Variants in CRTC3 observed in about 807,000 individuals in gnomAD.
CRTC3 encodes the protein CREB-regulated transcription coactivator 3.
CRTC3 carries 26 observed loss-of-function variants against 74.5 expected under a neutral mutation model. The ratio of observed to expected loss-of-function variants is 0.35; its 90% CI spans 0.26 to 0.48. CRTC3 has a LOEUF of 0.48. Ranked by LOEUF, CRTC3 falls within the 20% of genes least tolerant of loss-of-function variation. The pLI is 0.99. For synonymous variants in CRTC3, 377 were observed against 325.8 expected (o/e 1.16, Z -1.69); for missense variants, 760 against 787.3 (o/e 0.97, Z 0.41).
At chr15:90,544,529 A>G (rs1288653132) in intron 2 of CRTC3, among the ~76,000 whole-genome samples, 1 of 152,244 alleles carries the variant, frequency 6.6e-6, no homozygotes, top group African/African-American at 2.4e-5. Flanking sequence ...GGATGTAGAT[A>G]ATTTATGCAT....
intron 6 of CRTC3, among the ~76,000 whole-genome samples, chr15:90,612,504 A>G (rs1031694719): frequency 2.0e-5 from 3 of 152,046 alleles, no homozygotes; most frequent in East Asian, 1.9e-4. Context: ...GCAGTTTCAC[A>G]TGGTAGCCCT....
intron 13 of CRTC3, among the ~76,000 whole-genome samples, chr15:90,640,154 T>C (rs956205909): frequency 4.6e-5 from 7 of 152,330 alleles, no homozygotes; most frequent in African/African-American, 1.7e-4. Context: ...CTTGCCTCCC[T>C]GTTTCCCAAA....
At chr15:90,579,177 A>C (rs1189308050) in intron 2 of CRTC3, among the ~76,000 whole-genome samples, 1 of 152,218 alleles carries the variant, frequency 6.6e-6, no homozygotes, top group Non-Finnish European at 1.5e-5. Flanking sequence ...TATTATAAAT[A>C]ATTTGGAGGT....
chr15:90,628,871 G>C (rs1968933223), intron 10 of CRTC3, among the ~76,000 whole-genome samples: 1 of 152,058 alleles, frequency 6.6e-6, no homozygotes, highest in Non-Finnish European at 1.5e-5. Flanking sequence ...ACCTTCCGGG[G>C]CTCTAAACAG....
At chr15:90,587,258 G>A (rs1967686993) in intron 2 of CRTC3, among the ~76,000 whole-genome samples, 1 of 152,188 alleles carries the variant, frequency 6.6e-6, no homozygotes, top group African/African-American at 2.4e-5. Context: ...TGAGCTCTAG[G>A]TCCCTTGGGG....
At chr15:90,555,833 G>A (rs1298862269) in intron 2 of CRTC3, among the ~76,000 whole-genome samples, 3 of 151,858 alleles carry the variant, frequency 2.0e-5, no homozygotes, top group Non-Finnish European at 4.4e-5. Flanking sequence ...TTCTTTTTTA[G>A]CTTCCATTTT....
At chr15:90,563,105 A>G (rs1193168259) in intron 2 of CRTC3, among the ~76,000 whole-genome samples, 3 of 152,184 alleles carry the variant, frequency 2.0e-5, no homozygotes, top group Non-Finnish European at 4.4e-5. Context: ...ATTTAGAACT[A>G]GCATTTAAAA....
At chr15:90,593,966 A>C (rs917678941) in intron 3 of CRTC3, 1 of 437,768 alleles carries the variant, frequency 2.3e-6, no homozygotes, top group African/African-American at 2.0e-5. Context: ...GCATCAATAA[A>C]GTTCAGTTTA....
At chr15:90,636,158 A>T (rs1449563296) in intron 11 of CRTC3, among the ~76,000 whole-genome samples, 1 of 151,120 alleles carries the variant, frequency 6.6e-6, no homozygotes, top group Non-Finnish European at 1.5e-5. Flanking sequence ...TTCAAACTAT[A>T]CTACAAGGCT....
intron 11 of CRTC3, chr15:90,638,171 C>A: frequency 2.7e-6 from 1 of 367,220 alleles, no homozygotes; most frequent in Non-Finnish European, 4.8e-6. Flanking sequence ...ATGATTTTCA[C>A]GGAGAAAACT....
intron 2 of CRTC3, among the ~76,000 whole-genome samples, chr15:90,591,808 A>T (rs906557074): frequency 6.6e-6 from 1 of 152,094 alleles, no homozygotes; most frequent in Non-Finnish European, 1.5e-5. Context: ...AAAAAAAGAG[A>T]TCCTGTGTCC....
intron 13 of CRTC3, among the ~76,000 whole-genome samples, chr15:90,639,980 C>T (rs554004571): frequency 6.6e-6 from 1 of 151,996 alleles, no homozygotes; most frequent in Non-Finnish European, 1.5e-5. Context: ...AGCCGGGAGG[C>T]GGAGCTTGCA....
chr15:90,586,384 T>G (rs1418718958), intron 2 of CRTC3, among the ~76,000 whole-genome samples: 1 of 111,334 alleles, frequency 9.0e-6, no homozygotes, highest in East Asian at 2.9e-4. Flanking sequence ...TTTTTTTTTT[T>G]GAGATGGAGT....
In CRTC3 at chr15:90,584,963, A is replaced by G. The variant is rs994183840; in HGVS notation, c.232-8673A>G. Among the ~76,000 whole-genome samples the G allele has an allele frequency of 6.6e-5, 10 of 152,336 alleles. No individual in the cohort carries two copies. The East Asian group carries it at 1.5e-3, about 23-fold the overall frequency. ...TTGTGACTTTTAGCTAACCGTTTAC[A>G]TAAATATTAAGTTAGATACTTACTC... On this transcript the variant is annotated intron_variant, in intron 2 of 14. Coordinates refer to ENST00000268184, the MANE Select transcript of CRTC3 (RefSeq NM_022769.5).
At chr15:90,615,112 C>T (rs916960808) in intron 7 of CRTC3, among the ~76,000 whole-genome samples, 1 of 151,170 alleles carries the variant, frequency 6.6e-6, no homozygotes, top group Non-Finnish European at 1.5e-5. Context: ...ATCACTTAAA[C>T]AATTAGTTAT....
chr15:90,619,525 T>G (rs1410349980), intron 8 of CRTC3, among the ~76,000 whole-genome samples: 1 of 152,200 alleles, frequency 6.6e-6, no homozygotes, highest in Non-Finnish European at 1.5e-5. Context: ...GGCATCAAAT[T>G]AGGAAAATGT....
At chr15:90,553,350 C>T (rs1435772184) in intron 2 of CRTC3, among the ~76,000 whole-genome samples, 1 of 152,172 alleles carries the variant, frequency 6.6e-6, no homozygotes, top group Non-Finnish European at 1.5e-5. Context: ...TAGTGAGAAG[C>T]ACAGAGAGTT....
At chr15:90,631,956 A>G (rs377612566) in intron 11 of CRTC3, among the ~76,000 whole-genome samples, 12 of 151,882 alleles carry the variant, frequency 7.9e-5, no homozygotes, top group Admixed American at 1.3e-4. Flanking sequence ...GCTCGAGTGC[A>G]GTGGCGCGAT....
At chr15:90,537,127 ACAGTCT>A (rs1966732307) in intron 1 of CRTC3, among the ~76,000 whole-genome samples, 1 of 152,236 alleles carries the variant, frequency 6.6e-6, no homozygotes, top group Non-Finnish European at 1.5e-5. Context: ...GGTGTTGAAG[ACAGTCT>A]CAAAGTTCTT....
Sources: allele counts gnomAD v4.1 joint callset (sites outside exome capture counted in the v4.1 genomes callset), GRCh38; gene constraint gnomAD v4.1.1; transcripts MANE v1.5; gene names NCBI Gene and HGNC (gene_info 2026-07-23, HGNC 2026-07-21).